The following TEX14 variants were observed in gnomAD, a reference collection of about 807,000 sequenced individuals.
TEX14 encodes the protein testis expressed 14, intercellular bridge forming factor.
In TEX14, 168 loss-of-function variants were observed where a neutral mutation model predicts 178.6. That is an observed-to-expected ratio of 0.94 (90% CI 0.83 to 1.07). The LOEUF is 1.07. Among genes scored for constraint, TEX14 ranks in the 50% least tolerant of loss-of-function variants. The pLI, the probability that TEX14 is intolerant of heterozygous loss-of-function variation, is 0.00. For synonymous variants in TEX14, 626 were observed against 634.1 expected (o/e 0.99, Z 0.19); for missense variants, 1,730 against 1,753.6 (o/e 0.99, Z 0.24).
At chr17:58,656,583 A>G (rs1218535368) in intron 1 of TEX14, among the ~76,000 whole-genome samples, 1 of 151,770 alleles carries the variant, frequency 6.6e-6, no homozygotes, top group Non-Finnish European at 1.5e-5. Context: ...GTGAAACCCC[A>G]TCTCTACTAA....
At chr17:58,620,874 G>A (rs2045982390) in intron 5 of TEX14, among the ~76,000 whole-genome samples, 1 of 152,094 alleles carries the variant, frequency 6.6e-6, no homozygotes, top group Admixed American at 6.6e-5. Flanking sequence ...ACAGCCGTTA[G>A]GAGTTAACGG....
At chr17:58,592,080 G>GA (rs971568922) in intron 15 of TEX14, among the ~76,000 whole-genome samples, 5 of 147,276 alleles carry the variant, frequency 3.4e-5, no homozygotes, top group East Asian at 2.0e-4. Flanking sequence ...AAAAAAGAAA[G>GA]AAAAAAAAAT....
At chr17:58,684,318 G>A (rs2047554378) in intron 1 of TEX14, among the ~76,000 whole-genome samples, 1 of 151,712 alleles carries the variant, frequency 6.6e-6, no homozygotes, top group South Asian at 2.1e-4. Context: ...AAAAATTAGT[G>A]AGGCATGGTG....
chr17:58,639,039 T>A (rs199710284), intron 2 of TEX14, among the ~76,000 whole-genome samples: 1 of 150,518 alleles, frequency 6.6e-6, no homozygotes, highest in Admixed American at 6.6e-5. Context: ...AATTTTTTTT[T>A]TATATTTAGT....
intron 21 of TEX14, among the ~76,000 whole-genome samples, chr17:58,574,749 ATGTCTGGGCCTCATT>A (rs2044636471): frequency 6.6e-6 from 1 of 151,046 alleles, no homozygotes; most frequent in Admixed American, 6.6e-5. Context: ...GTTCTCTGAC[ATGTCTGGGCCTCATT>A]TTTCTCTCCA....
intron 1 of TEX14, among the ~76,000 whole-genome samples, chr17:58,663,316 G>C (rs2047150605): frequency 6.7e-6 from 1 of 148,528 alleles, no homozygotes; most frequent in South Asian, 2.1e-4. Flanking sequence ...CAGCTACTTG[G>C]GAGGCTGAGG....
intron 1 of TEX14, among the ~76,000 whole-genome samples, chr17:58,683,236 G>A (rs953790059): frequency 1.3e-5 from 2 of 151,280 alleles, no homozygotes; most frequent in Admixed American, 6.6e-5. Flanking sequence ...AGCTGGGCAT[G>A]GTGGCACGTG....
intron 1 of TEX14, among the ~76,000 whole-genome samples, chr17:58,670,708 G>A (rs189053368): frequency 7.0e-6 from 1 of 142,116 alleles, no homozygotes; most frequent in African/African-American, 2.6e-5. Flanking sequence ...GGGAGGTGGA[G>A]GTTGCAGTGA....
At chr17:58,689,478 C>CA (rs2143617953) in intron 1 of TEX14, among the ~76,000 whole-genome samples, 1 of 152,228 alleles carries the variant, frequency 6.6e-6, no homozygotes, top group South Asian at 2.1e-4. Flanking sequence ...CTTGGCCTCC[C>CA]AAAGTGCTAG....
chr17:58,579,117 G>A (rs571273078), intron 20 of TEX14, among the ~76,000 whole-genome samples: 4 of 152,344 alleles, frequency 2.6e-5, no homozygotes, highest in African/African-American at 9.6e-5. Context: ...GAAAGCCCCT[G>A]CTAAGTTATA....
Position 58,584,533 on chromosome 17 carries a change from A to G in TEX14, c.3138T>C (p.Ser1046=). 2 of 1,614,174 alleles carry G rather than the reference A, an allele frequency of 1.2e-6. No homozygotes were observed. The highest frequency in any genetic ancestry group is 8.5e-7 in the Non-Finnish European group (1 of 1,180,004). ...ATTTCTCTACAGCCACCAATGTGTC[A>G]GAACTTGCTTGGAAGGCTTCACTAT... is the stretch of plus-strand genomic sequence containing the variant. ...PEHSEAFQAS[S]DTLVAVEKSY... The change falls in exon 19 of 32, where the codon TCT becomes TCC. Residue 1046 remains serine (S), a synonymous_variant. Transcript: ENST00000349033.
intron 24 of TEX14, among the ~76,000 whole-genome samples, chr17:58,571,259 A>AGGGT (rs2044520268): frequency 7.6e-6 from 1 of 131,334 alleles, no homozygotes; most frequent in Non-Finnish European, 1.6e-5. Context: ...TTTTGGAGAC[A>AGGGT]GGGTCTCACT....
chr17:58,689,292 C>T (rs1371059204), intron 1 of TEX14, among the ~76,000 whole-genome samples: 2 of 152,074 alleles, frequency 1.3e-5, no homozygotes, highest in Non-Finnish European at 2.9e-5. Flanking sequence ...CCTGATCTCA[C>T]TCACTGCAAC....
intron 20 of TEX14, among the ~76,000 whole-genome samples, chr17:58,578,010 C>T (rs2044720709): frequency 6.6e-6 from 1 of 152,170 alleles, no homozygotes; most frequent in African/African-American, 2.4e-5. Flanking sequence ...ATGCTTTGCT[C>T]CAGGCAGGCA....
At chr17:58,628,179 C>G (rs1318244673) in intron 3 of TEX14, among the ~76,000 whole-genome samples, 2 of 152,152 alleles carry the variant, frequency 1.3e-5, no homozygotes. Context: ...CCTCTGGTTA[C>G]TTAATTCTCA....
intron 1 of TEX14, among the ~76,000 whole-genome samples, chr17:58,690,403 C>T (rs1034866948): frequency 6.6e-6 from 1 of 152,060 alleles, no homozygotes; most frequent in Non-Finnish European, 1.5e-5. Context: ...TGAGATCAAG[C>T]GATGTGCCCT....
intron 24 of TEX14, among the ~76,000 whole-genome samples, chr17:58,571,235 C>CTTTTTTTTTTT (rs11456555): frequency 3.1e-5 from 4 of 127,234 alleles, no homozygotes; most frequent in South Asian, 2.4e-4. Context: ...CTTTTCTTTT[C>CTTTTTTTTTTT]TTTTTTTTTT....
chr17:58,595,651 C>T (rs770030740), intron 14 of TEX14, among the ~76,000 whole-genome samples: 2 of 152,170 alleles, frequency 1.3e-5, no homozygotes, highest in Non-Finnish European at 2.9e-5. Flanking sequence ...GCTCAAGGTA[C>T]CAGACATGTA....
intron 2 of TEX14, among the ~76,000 whole-genome samples, chr17:58,641,482 C>A (rs1377898961): frequency 5.6e-4 from 58 of 103,708 alleles, no homozygotes; most frequent in African/African-American, 2.3e-3. Flanking sequence ...CTTTCTTTCT[C>A]TTTTATTTAT....
Sources: gnomAD v4.1 joint callset for allele counts (sites outside exome capture counted in the v4.1 genomes callset) on GRCh38, gnomAD v4.1.1 for gene constraint, MANE v1.5 for transcripts, NCBI Gene and HGNC (gene_info 2026-07-23, HGNC 2026-07-21) for gene names.